Variants in BRINP1 observed in about 807,000 individuals in gnomAD.
The protein encoded by BRINP1 is BMP/retinoic acid inducible neural specific 1.
BRINP1 carries 17 observed loss-of-function variants against 72.9 expected under a neutral mutation model. The observed-to-expected ratio is 0.23, with a 90% CI of 0.16 to 0.35. BRINP1 has a LOEUF of 0.35. Among genes scored for constraint, BRINP1 ranks in the 10% least tolerant of loss-of-function variants. The pLI, the probability that BRINP1 is intolerant of heterozygous loss-of-function variation, is 1.00. For missense variants in BRINP1, 850 were observed against 1,001.6 expected (o/e 0.85, Z 2.04); for synonymous variants, 418 against 378.5 (o/e 1.10, Z -1.21).
At chr9:119,177,288 C>G (rs1164156881) in intron 7 of BRINP1, among the ~76,000 whole-genome samples, 1 of 152,160 alleles carries the variant, frequency 6.6e-6, no homozygotes, top group Admixed American at 6.5e-5. Flanking sequence ...AATCCTATTA[C>G]AGCCTGGAGA....
Position 119,249,218 on chromosome 9 carries a change from C to A in BRINP1, c.219-68G>T. ...TACCCTTAAGCCAAAGTCCACCCAA[C>A]CATCCATCCAGGCATCTCTCCTTAA... On this transcript the variant is annotated intron_variant, in intron 2 of 7. Transcript: ENST00000265922. The A allele has an allele frequency of 5.4e-6, 8 of 1,468,372 alleles. 1 individual carries two copies. Among genetic ancestry groups the A allele is most frequent in the South Asian group, 5.2e-5 (4 of 77,420 alleles). The allele number at this position is 1,468,372 out of a possible 1,614,324, so 91.0% of individuals were successfully genotyped here. A position where few individuals can be genotyped will look rare whatever the true frequency, so the allele number is the denominator to read the frequency against.
chr9:119,333,121 C>A (rs1263279050), intron 1 of BRINP1, among the ~76,000 whole-genome samples: 1 of 151,506 alleles, frequency 6.6e-6, no homozygotes, highest in African/African-American at 2.4e-5. Context: ...AGCTATGTGT[C>A]TTTAATCTAG....
chr9:119,297,431 T>C (rs4837628), intron 2 of BRINP1, among the ~76,000 whole-genome samples: 72,394 of 151,866 alleles, frequency 0.48, 18,058 homozygotes, highest in African/African-American at 0.61. Flanking sequence ...AAATCAGAGT[T>C]GTGTGACTTC....
rs202144700 is a variant in BRINP1 at position 119,313,290 on chromosome 9, G to A, written c.66C>T (p.Pro22=). 3.7e-6 allele frequency: 6 copies of A among 1,614,144 alleles called. No individual in the cohort carries two copies. In the East Asian group the frequency reaches 1.3e-4, roughly 36 times the overall value. ...LFIWGRISVQ[P]SHQEPAGTDQ... ...CTGTCCCAGCTGGTTCCTGGTGGGA[G>A]GGCTGCACTGAGATACGGCCCCATA... The change falls in exon 2 of 8, where the codon CCC becomes CCT. Residue 22 remains proline, a synonymous_variant. Coordinates refer to ENST00000265922, the MANE Select transcript of BRINP1 (RefSeq NM_014618.3).
At chr9:119,280,181 T>C (rs1830695002) in intron 2 of BRINP1, among the ~76,000 whole-genome samples, 1 of 152,092 alleles carries the variant, frequency 6.6e-6, no homozygotes, top group African/African-American at 2.4e-5. Context: ...TACAATAACA[T>C]ATAAAGAAAA....
chr9:119,245,597 G>T (rs1392765857), intron 3 of BRINP1, among the ~76,000 whole-genome samples: 1 of 152,120 alleles, frequency 6.6e-6, no homozygotes, highest in Non-Finnish European at 1.5e-5. Flanking sequence ...AAAATCTGGA[G>T]ATCCCATGGA....
intron 2 of BRINP1, among the ~76,000 whole-genome samples, chr9:119,312,778 T>C (rs1287835165): frequency 6.6e-6 from 1 of 152,164 alleles, no homozygotes; most frequent in Non-Finnish European, 1.5e-5. Flanking sequence ...CTATATGACA[T>C]TAGACAAGTA....
At chr9:119,214,440 A>G (rs1034564783) in intron 5 of BRINP1, among the ~76,000 whole-genome samples, 1 of 152,232 alleles carries the variant, frequency 6.6e-6, no homozygotes, top group South Asian at 2.1e-4. Flanking sequence ...TATGGTATAT[A>G]CCTTTTCCAT....
chr9:119,178,351 C>A (rs1401568913), intron 7 of BRINP1, among the ~76,000 whole-genome samples: 1 of 152,172 alleles, frequency 6.6e-6, no homozygotes, highest in Non-Finnish European at 1.5e-5. Context: ...CCTGATCCCC[C>A]AGGTCAACAA....
intron 2 of BRINP1, chr9:119,283,084 A>G (rs1830729155): frequency 5.1e-6 from 5 of 985,290 alleles, no homozygotes; most frequent in Non-Finnish European, 6.0e-6. Context: ...AAAGAGGACC[A>G]GACTAGCAGT....
intron 2 of BRINP1, among the ~76,000 whole-genome samples, chr9:119,264,343 CT>C (rs1216662991): frequency 6.6e-6 from 1 of 152,248 alleles, no homozygotes; most frequent in Non-Finnish European, 1.5e-5. Flanking sequence ...CCTGGTCCCC[CT>C]GATTCTACCT....
intron 2 of BRINP1, among the ~76,000 whole-genome samples, chr9:119,291,479 T>C (rs763459355): frequency 6.6e-6 from 1 of 152,200 alleles, no homozygotes; most frequent in Non-Finnish European, 1.5e-5. Context: ...AATCTGACTA[T>C]TAAATACCTT....
At chr9:119,283,619 C>G (rs1331365881) in intron 2 of BRINP1, among the ~76,000 whole-genome samples, 1 of 152,164 alleles carries the variant, frequency 6.6e-6, no homozygotes, top group Non-Finnish European at 1.5e-5. Context: ...ACCTCCGCCT[C>G]CCGGGTTCAA....
At chr9:119,208,460 T>G (rs1829882489) in intron 7 of BRINP1, among the ~76,000 whole-genome samples, 1 of 152,152 alleles carries the variant, frequency 6.6e-6, no homozygotes, top group Non-Finnish European at 1.5e-5. Context: ...AGTGTTCCCC[T>G]CCTCAATCAG....
At chr9:119,191,896 A>G (rs1477862929) in intron 7 of BRINP1, among the ~76,000 whole-genome samples, 2 of 152,132 alleles carry the variant, frequency 1.3e-5, no homozygotes, top group East Asian at 3.9e-4. Context: ...TGGCATAAAA[A>G]AACAGAAACA....
chr9:119,207,770 T>C (rs923675078), intron 7 of BRINP1, among the ~76,000 whole-genome samples: 1 of 152,192 alleles, frequency 6.6e-6, no homozygotes, highest in Non-Finnish European at 1.5e-5. Flanking sequence ...TGAATGTGAA[T>C]GGACTTGTTC....
chr9:119,252,016 C>A (rs879924838), intron 2 of BRINP1, among the ~76,000 whole-genome samples: 1 of 152,122 alleles, frequency 6.6e-6, no homozygotes, highest in Non-Finnish European at 1.5e-5. Context: ...TTCTGCTTCA[C>A]CCACTGGCTC....
At chr9:119,310,936 T>A (rs1341918540) in intron 2 of BRINP1, among the ~76,000 whole-genome samples, 1 of 152,312 alleles carries the variant, frequency 6.6e-6, no homozygotes, top group East Asian at 1.9e-4. Context: ...AGCGCATGTC[T>A]CTGGGTGCAT....
chr9:119,283,039 G>A (rs893611525), intron 2 of BRINP1: 41 of 985,268 alleles, frequency 4.2e-5, no homozygotes, highest in Non-Finnish European at 4.8e-5. Context: ...TTGATGACAG[G>A]ACTTGACCAA....
Sources: allele counts gnomAD v4.1 joint callset (sites outside exome capture counted in the v4.1 genomes callset), GRCh38; gene constraint gnomAD v4.1.1; transcripts MANE v1.5; gene names NCBI Gene and HGNC (gene_info 2026-07-23, HGNC 2026-07-21).